Variants in CSNK1G2 observed in about 807,000 individuals in gnomAD.
CSNK1G2 encodes casein kinase I isoform gamma-2.
A neutral mutation model predicts 48.0 loss-of-function variants in CSNK1G2; 11 were observed. The observed-to-expected ratio is 0.23, with a 90% CI of 0.14 to 0.38. CSNK1G2 has a LOEUF of 0.38. CSNK1G2 is among the 10% of genes least tolerant of loss of function. The pLI is 1.00. For missense variants in CSNK1G2, 446 were observed against 595.5 expected (o/e 0.75, Z 2.61); for synonymous variants, 337 against 254.1 (o/e 1.33, Z -3.10).
chr19:1,954,158 G>A, intron 1 of CSNK1G2: 2 of 422,494 alleles, frequency 4.7e-6, no homozygotes, highest in South Asian at 3.5e-5. Context: ...AGGTCAGCCT[G>A]AGGTTGGTTT....
At chr19:1,955,255 A>G (rs2014943059) in intron 1 of CSNK1G2, among the ~76,000 whole-genome samples, 1 of 152,048 alleles carries the variant, frequency 6.6e-6, no homozygotes, top group African/African-American at 2.4e-5. Context: ...TGCCCACGGA[A>G]CACAGCCCAG....
chr19:1,954,538 C>T (rs2014912601), intron 1 of CSNK1G2: 1 of 152,620 alleles, frequency 6.6e-6, no homozygotes, highest in Non-Finnish European at 1.5e-5. Context: ...CCAGTGAGGT[C>T]CCTGGCCTCC....
Position 1,978,370 on chromosome 19 carries a change from C to A in CSNK1G2, c.228+25C>A. The A allele has an allele frequency of 6.2e-7, 1 of 1,612,634 alleles. No individual in the cohort carries two copies. The highest frequency in any genetic ancestry group is 8.5e-7 in the Non-Finnish European group (1 of 1,179,388). On this transcript the variant is annotated intron_variant, in intron 3 of 11. Transcript: ENST00000255641. The surrounding 1 kb of genome is among the most constrained non-coding windows in gnomAD (Gnocchi z 7.3). ...GGTGAGTCGGCCCCTCCACCCCACC[C>A]CCGCTGACGTGCCCCCCAGGGATTT...
rs149924224 is a variant in CSNK1G2 at position 1,948,675 on chromosome 19, C to T, written c.-266+7257C>T. On this transcript the variant is annotated intron_variant, in intron 1 of 11. Coordinates refer to ENST00000255641, the MANE Select transcript of CSNK1G2 (RefSeq NM_001319.7). ...ATCCACGTTTGGTAAAATTCGGCAA[C>T]GTGTGCACGCAAGTGGTTTTTGTAC... is the stretch of plus-strand genomic sequence containing the variant. Among the ~76,000 whole-genome samples, 339 of 152,258 alleles carry T rather than the reference C, an allele frequency of 2.2e-3. 1 individual carries two copies. The highest frequency in any genetic ancestry group is 7.5e-3 in the African/African-American group (312 of 41,558).
rs1290605774 is a variant in CSNK1G2 at position 1,979,903 on chromosome 19, C to T, written c.1087-8C>T. 8 of 1,607,658 alleles carry T rather than the reference C, an allele frequency of 5.0e-6. No individual in the cohort carries two copies. The highest frequency in any genetic ancestry group is 5.1e-6 in the Non-Finnish European group (6 of 1,177,478). ...GCGGCCAGCGTGACCCCCTACTGCC[C>T]CCACCAGGCGTTGAACTCCACCAAC... On this transcript the variant is annotated splice_region_variant and splice_polypyrimidine_tract_variant and intron_variant, in intron 10 of 11. Transcript: ENST00000255641.
rs1259334083 is a variant in CSNK1G2 at position 1,959,823 on chromosome 19, G to A, written c.-265-9685G>A. ...TCCCCCAGCACCCGCCCCACCTTTA[G>A]TACCACCCTGAGTCCCCCAGCACCT... On this transcript the variant is annotated intron_variant, in intron 1 of 11. Coordinates refer to ENST00000255641, the MANE Select transcript of CSNK1G2 (RefSeq NM_001319.7). Among the ~76,000 whole-genome samples the A allele has an allele frequency of 7.5e-4, 96 of 127,266 alleles. 1 individual carries two copies. The highest frequency in any genetic ancestry group is 8.4e-4 in the Admixed American group (11 of 13,022). The allele number at this position is 127,266 out of a possible 152,430, so 83.5% of individuals were successfully genotyped here. A position where few individuals can be genotyped will look rare whatever the true frequency, so the allele number is the denominator to read the frequency against.
At position 1,954,046 on chromosome 19, in the gene CSNK1G2, C is replaced by CT. The variant is rs373782418; in HGVS notation, c.-266+12628_-266+12629insT. The stretch of plus-strand genomic sequence containing the variant: ...ACCGGCCCTGCCCATCCCTGGCGTT[C>CT]ACTCCTCAGCTTCCTCCCATGGGGT... On this transcript the variant is annotated intron_variant, in intron 1 of 11. Coordinates refer to ENST00000255641, the MANE Select transcript of CSNK1G2 (RefSeq NM_001319.7). The CT allele has an allele frequency of 3.2e-5, 17 of 524,548 alleles. 1 individual carries two copies. Among genetic ancestry groups the CT allele is most frequent in the Middle Eastern group, 3.2e-4 (1 of 3,108 alleles). 32.5% of individuals were successfully genotyped at this position (524,548 alleles called of 1,614,324 possible).
In CSNK1G2 at chr19:1,962,906, C is replaced by T. The variant is rs947240542; in HGVS notation, c.-265-6602C>T. Among the ~76,000 whole-genome samples, 27 of 152,210 alleles carry T rather than the reference C, an allele frequency of 1.8e-4. No individual in the cohort carries two copies. In the East Asian group the frequency reaches 2.1e-3, roughly 12 times the overall value. On this transcript the variant is annotated intron_variant, in intron 1 of 11. Transcript: ENST00000255641. ...AGACGCCGCCGTGGACTCCAGCAGC[C>T]GGACGGTGGCTACAACCCAGATGGC...
rs1285895099 is a variant in CSNK1G2, at chr19:1,978,216, C to T, written c.188-89C>T. On this transcript the variant is annotated intron_variant, in intron 2 of 11. Coordinates refer to ENST00000255641, the MANE Select transcript of CSNK1G2 (RefSeq NM_001319.7). The surrounding 1 kb of genome is among the most constrained non-coding windows in gnomAD (Gnocchi z 7.3). ...TTGGAGGGTGGTCCTTCAGGGACCC[C>T]CTCCTGCCTCCTGCCTCGGGGGTGG... 4.3e-6 allele frequency: 6 copies of T among 1,381,186 alleles called. No homozygotes were observed. The East Asian group carries it at 9.2e-5, about 21-fold the overall frequency. 85.6% of individuals were successfully genotyped at this position (1,381,186 alleles called of 1,614,324 possible).
intron 1 of CSNK1G2, chr19:1,953,134 A>C (rs1599290538): frequency 2.7e-6 from 1 of 376,724 alleles, no homozygotes; most frequent in South Asian, 1.9e-5. Context: ...GATGGGAGCC[A>C]CCCCGGGTCC....
At position 1,941,966 on chromosome 19, in the gene CSNK1G2, C is replaced by T. The variant is rs79641666; in HGVS notation, c.-266+548C>T. Among the ~76,000 whole-genome samples the T allele has an allele frequency of 3.7e-3, 569 of 152,110 alleles. 5 individuals are homozygous for T. The highest frequency in any genetic ancestry group is 0.013 in the African/African-American group (549 of 41,514). On this transcript the variant is annotated intron_variant, in intron 1 of 11. Transcript: ENST00000255641. ...GAGGCCCCTGCCCACCTGGCCCCATCGCCTCCTCCTGTCTTGGCCTGGCCC... is the reference window on the plus strand; with the variant it reads ...GAGGCCCCTGCCCACCTGGCCCCATTGCCTCCTCCTGTCTTGGCCTGGCCC...
chr19:1,952,529 G>T (rs2145511295), intron 1 of CSNK1G2: 1 of 153,796 alleles, frequency 6.5e-6, no homozygotes, highest in East Asian at 1.9e-4. Flanking sequence ...ACACCATGTT[G>T]TCCAGGATGG....
chr19:1,947,922 A>G (rs1277833027), intron 1 of CSNK1G2, among the ~76,000 whole-genome samples: 1 of 150,338 alleles, frequency 6.7e-6, no homozygotes, highest in Admixed American at 6.6e-5. Flanking sequence ...GCCCTGGGCA[A>G]TGGGTGTGGT....
chr19:1,973,889 ATTAT>A (rs1169099595), intron 2 of CSNK1G2, among the ~76,000 whole-genome samples: 1 of 151,674 alleles, frequency 6.6e-6, no homozygotes, highest in Non-Finnish European at 1.5e-5. Context: ...ATTTTTATTT[ATTAT>A]TTATTATTTT....
At chr19:1,949,255 AACCTTCCC>A (rs2014678422) in intron 1 of CSNK1G2, among the ~76,000 whole-genome samples, 2 of 152,256 alleles carry the variant, frequency 1.3e-5, no homozygotes, top group Middle Eastern at 3.4e-3. Context: ...TCCTTTCCAG[AACCTTCCC>A]ACCTTCCCAA....
chr19:1,978,478 G>C lies in CSNK1G2; in HGVS notation c.265G>C (p.Glu89Gln), dbSNP rs888583558. 1.2e-6 allele frequency: 2 copies of C among 1,603,438 alleles called. No individual in the cohort carries two copies. Among genetic ancestry groups the C allele is most frequent in the Admixed American group, 3.4e-5 (2 of 58,860 alleles). ...GTCCCGGGCCCCGCAGCTGCACCTG[G>C]AGTACCGGTTCTACAAGCAGCTCAG... ...IKSRAPQLHL[E>Q]YRFYKQLSAT... The change falls in exon 4 of 12, where the codon GAG becomes CAG. Residue 89 changes from glutamate to glutamine, a missense_variant. By Grantham distance (29) the Glu-to-Gln change is conservative. Around this residue, in one of 2 missense-constraint regions of CSNK1G2, gnomAD observed 258 missense variants for 415.9 expected, o/e 0.62. Transcript: ENST00000255641. The surrounding 1 kb of genome is among the most constrained non-coding windows in gnomAD (Gnocchi z 7.3).
At chr19:1,968,765 C>G (rs1372730029) in intron 1 of CSNK1G2, 1 of 152,638 alleles carries the variant, frequency 6.6e-6, no homozygotes, top group Non-Finnish European at 1.5e-5. Flanking sequence ...CCGCTGGTCC[C>G]TCAAGCCCCG....
intron 2 of CSNK1G2, chr19:1,975,867 C>A: frequency 1.3e-6 from 1 of 787,762 alleles, no homozygotes; most frequent in Non-Finnish European, 1.5e-6. Context: ...GAAAGCCCAT[C>A]TCTAGTAAAA....
chr19:1,947,076 G>A (rs1356834307), intron 1 of CSNK1G2, among the ~76,000 whole-genome samples: 1 of 152,224 alleles, frequency 6.6e-6, no homozygotes, highest in Non-Finnish European at 1.5e-5. Context: ...AAAAGGCAGA[G>A]AAAATCTTAG....
Sources: allele counts gnomAD v4.1 joint callset (sites outside exome capture counted in the v4.1 genomes callset), GRCh38; gene constraint gnomAD v4.1.1; regional missense constraint gnomAD v4.1.1; non-coding constraint Gnocchi (gnomAD v3.1); transcripts MANE v1.5; gene names NCBI Gene and HGNC (gene_info 2026-07-23, HGNC 2026-07-21).